The following TGM2 variants were observed in gnomAD, a reference collection of about 807,000 sequenced individuals.
TGM2 encodes transglutaminase 2.
Under a neutral mutation model 75.6 loss-of-function variants are expected in TGM2, and 53 were observed. The observed-to-expected ratio is 0.70, with a 90% CI of 0.56 to 0.88. TGM2 has a LOEUF of 0.88. Ranked by LOEUF, TGM2 falls within the 40% of genes least tolerant of loss-of-function variation. The pLI, the probability that TGM2 is intolerant of heterozygous loss-of-function variation, is 0.00. For missense variants in TGM2, 842 were observed against 928.5 expected, an observed-to-expected ratio of 0.91 and a Z score of 1.21; for synonymous variants, 374 against 381.1, an observed-to-expected ratio of 0.98 and a Z score of 0.22.
Position 38,138,153 on chromosome 20 carries a change from G to T in TGM2, c.1575C>A (p.Gly525=). ...GGTTGAGGTTGAGCAGGTACTTGGT[G>T]CCACACTCGGGCCCCAAGATCCCAT... is the stretch of plus-strand genomic sequence containing the variant. The part of the protein sequence containing the change: ...SYNGILGPEC[G]TKYLLNLNLE... Residue 525 remains glycine, a synonymous_variant, in exon 10 of 13, where the codon GGC becomes GGA. Coordinates refer to ENST00000361475, the MANE Select transcript of TGM2 (RefSeq NM_004613.4). 1 of 1,602,550 alleles carries T rather than the reference G, an allele frequency of 6.2e-7. No individual in the cohort carries two copies.
chr20:38,135,053 C>T (rs527389175), intron 10 of TGM2, among the ~76,000 whole-genome samples: 9 of 152,242 alleles, frequency 5.9e-5, no homozygotes, highest in Non-Finnish European at 1.2e-4. Flanking sequence ...ACCTGCTGCT[C>T]ACCCTCTGTG....
chr20:38,131,828 T>C (rs1303360357), intron 11 of TGM2, among the ~76,000 whole-genome samples: 1 of 152,148 alleles, frequency 6.6e-6, no homozygotes, highest in Non-Finnish European at 1.5e-5. Context: ...GCCCTTATCA[T>C]GTGCTGAGGA....
chr20:38,131,639 A>T (rs1429126702), intron 11 of TGM2, among the ~76,000 whole-genome samples: 1 of 152,052 alleles, frequency 6.6e-6, no homozygotes, highest in Non-Finnish European at 1.5e-5. Context: ...GTGAGGATTA[A>T]CTGAGCTAAT....
At chr20:38,149,150 T>G (rs1215654749) in intron 4 of TGM2, among the ~76,000 whole-genome samples, 1 of 152,202 alleles carries the variant, frequency 6.6e-6, no homozygotes, top group Non-Finnish European at 1.5e-5. Flanking sequence ...CTCTGAGCTT[T>G]CACTTGCATA....
In TGM2 at chr20:38,158,857, GACCC is replaced by G. The variant is rs45549836; in HGVS notation, c.190+2559_190+2562del. Among the ~76,000 whole-genome samples, 409 of 152,338 alleles carry G rather than the reference GACCC, an allele frequency of 2.7e-3. 1 individual carries two copies. The highest frequency in any genetic ancestry group is 9.1e-3 in the African/African-American group (380 of 41,576). Reference sequence around the variant, plus strand: ...CTGGCCAGGCCTTGAGCCGGGCGCTGACCCAGGCCAGGCCTGGAGTTGGGGGAGG... The same window carrying G: ...CTGGCCAGGCCTTGAGCCGGGCGCTGAGGCCAGGCCTGGAGTTGGGGGAGG... On this transcript the variant is annotated intron_variant, in intron 2 of 12. Transcript: ENST00000361475.
chr20:38,165,448 G>C (rs901046884), upstream of TGM2: 13 of 577,476 alleles, frequency 2.3e-5, no homozygotes, highest in Non-Finnish European at 3.6e-5. Flanking sequence ...CCGGACGAGG[G>C]CGCCCCCTGG....
intron 10 of TGM2, chr20:38,133,153 T>C: frequency 3.3e-6 from 1 of 301,002 alleles, no homozygotes; most frequent in Non-Finnish European, 6.6e-6. Context: ...AGTCCAACAA[T>C]ATGGTCCACA....
chr20:38,131,264 G>T (rs1361705398), intron 11 of TGM2, 35 bp from the exon 12 acceptor site: 2 of 1,612,524 alleles, frequency 1.2e-6, no homozygotes, highest in Non-Finnish European at 1.7e-6. Context: ...TCAAGGGCAG[G>T]TGGGATCCAG....
At chr20:38,150,797 CA>C (rs1422681076) in intron 4 of TGM2, 141 bp downstream of exon 4, 2 of 783,832 alleles carry the variant, frequency 2.6e-6, no homozygotes, top group Non-Finnish European at 4.6e-6. Context: ...TCAGCTGTTT[CA>C]GGGCCTTTGC....
intron 10 of TGM2, among the ~76,000 whole-genome samples, chr20:38,137,351 G>T (rs2074912129): frequency 6.6e-6 from 1 of 152,148 alleles, no homozygotes; most frequent in Non-Finnish European, 1.5e-5. Context: ...TGGGCATGGT[G>T]GTGCACGCCT....
chr20:38,137,224 C>T (rs1365907341), intron 10 of TGM2, among the ~76,000 whole-genome samples: 1 of 152,216 alleles, frequency 6.6e-6, no homozygotes, highest in Non-Finnish European at 1.5e-5. Context: ...GTGGCTCACA[C>T]CTATAATCCC....
intron 3 of TGM2, among the ~76,000 whole-genome samples, chr20:38,153,528 A>AAAAAAAAAAAAAGAAAAG (rs56670550): frequency 1.6e-5 from 2 of 125,272 alleles, no homozygotes; most frequent in African/African-American, 6.7e-5. Context: ...TGGTCTCAAA[A>AAAAAAAAAAAAAGAAAAG]AAAAGAAAAA....
At chr20:38,153,460 G>A (rs535103554) in intron 3 of TGM2, among the ~76,000 whole-genome samples, 1 of 149,706 alleles carries the variant, frequency 6.7e-6, no homozygotes, top group African/African-American at 2.5e-5. Context: ...GGGAGGCAGA[G>A]GTTGGAGTGA....
intron 3 of TGM2, among the ~76,000 whole-genome samples, chr20:38,152,580 C>T (rs2075126808): frequency 2.0e-5 from 3 of 152,196 alleles, no homozygotes; most frequent in Admixed American, 6.5e-5. Context: ...CTCAGGTCCC[C>T]ATCTGGTAAA....
intron 2 of TGM2, among the ~76,000 whole-genome samples, chr20:38,160,393 C>A (rs1052521076): frequency 1.3e-5 from 2 of 152,180 alleles, no homozygotes; most frequent in Non-Finnish European, 2.9e-5. Context: ...GGGGATGAGA[C>A]GCCTGGGGAC....
intron 9 of TGM2, 71 bp downstream of exon 9, chr20:38,139,341 A>G: frequency 6.2e-7 from 1 of 1,610,988 alleles, no homozygotes; most frequent in Non-Finnish European, 8.5e-7. Flanking sequence ...ACACACATAC[A>G]CGAGCCTGCC....
chr20:38,164,259 C>T (rs1294442127), intron 1 of TGM2, among the ~76,000 whole-genome samples: 1 of 152,222 alleles, frequency 6.6e-6, no homozygotes, highest in African/African-American at 2.4e-5. Context: ...CCACCCATTC[C>T]TGCTCCACCT....
intron 8 of TGM2, among the ~76,000 whole-genome samples, chr20:38,140,784 G>A (rs915098120): frequency 2.6e-5 from 4 of 151,990 alleles, no homozygotes; most frequent in African/African-American, 4.8e-5. Context: ...TAATGTAATT[G>A]GTTTTCTTTG....
chr20:38,136,190 G>A (rs1021331334), intron 10 of TGM2, among the ~76,000 whole-genome samples: 2 of 152,134 alleles, frequency 1.3e-5, no homozygotes, highest in African/African-American at 4.8e-5. Flanking sequence ...GAGTGCCCAC[G>A]GTGGGCCCAA....
Sources: gnomAD v4.1 joint callset for allele counts (sites outside exome capture counted in the v4.1 genomes callset) on GRCh38, gnomAD v4.1.1 for gene constraint, MANE v1.5 for transcripts, NCBI Gene and HGNC (gene_info 2026-07-23, HGNC 2026-07-21) for gene names.